Variants in TMEM117 observed in about 807,000 individuals in gnomAD.
The protein encoded by TMEM117 is transmembrane protein 117.
In TMEM117, 27 loss-of-function variants were observed where a neutral mutation model predicts 52.4. That is an observed-to-expected ratio of 0.51 (90% CI 0.38 to 0.71). The LOEUF is 0.71. Among genes scored for constraint, TMEM117 ranks in the 30% least tolerant of loss-of-function variants. TMEM117 has a pLI of 0.00. For synonymous variants in TMEM117, 215 were observed against 206.3 expected (o/e 1.04, Z -0.36); for missense variants, 556 against 630.5 (o/e 0.88, Z 1.26).
At chr12:44,254,429 A>G (rs1204131399) in intron 5 of TMEM117, among the ~76,000 whole-genome samples, 1 of 152,012 alleles carries the variant, frequency 6.6e-6, no homozygotes. Context: ...ATGAAATGAA[A>G]ACTCTAAGTA....
In TMEM117 at chr12:44,027,081, C is replaced by G. The variant is rs1027105347; in HGVS notation, c.410+82739C>G. On this transcript the variant is annotated intron_variant, in intron 3 of 7. Coordinates refer to ENST00000266534, the MANE Select transcript of TMEM117 (RefSeq NM_032256.3). Reference sequence around the variant, plus strand: ...CTTTAAACCTCAAACCATTTCTTAGCCTATTTTATTTTATTTTATTTTATT... The same window carrying G: ...CTTTAAACCTCAAACCATTTCTTAGGCTATTTTATTTTATTTTATTTTATT... 5.6e-5 allele frequency among the ~76,000 whole-genome samples: 5 copies of G among 88,504 alleles called. No individual in the cohort carries two copies. In the Admixed American group the frequency reaches 6.0e-4, roughly 11 times the overall value. 58.1% of individuals were successfully genotyped at this position (88,504 alleles called of 152,430 possible).
chr12:43,936,071 T>G (rs1399672011), intron 2 of TMEM117, among the ~76,000 whole-genome samples: 1 of 151,730 alleles, frequency 6.6e-6, no homozygotes, highest in African/African-American at 2.4e-5. Flanking sequence ...GAATTGTGAT[T>G]ATTGAAAGTT....
chr12:44,316,337 A>G (rs567297168), intron 6 of TMEM117, among the ~76,000 whole-genome samples: 1 of 152,172 alleles, frequency 6.6e-6, no homozygotes, highest in Non-Finnish European at 1.5e-5. Context: ...CTTTGCTTAT[A>G]AAGCTTAGTT....
At chr12:44,241,216 T>G (rs1030855370) in intron 5 of TMEM117, among the ~76,000 whole-genome samples, 19 of 131,966 alleles carry the variant, frequency 1.4e-4, no homozygotes, top group East Asian at 7.7e-4. Flanking sequence ...TTTTATTGTG[T>G]TTTTTTTTTA....
chr12:43,856,682 C>G (rs115482982), intron 2 of TMEM117, among the ~76,000 whole-genome samples: 3,398 of 152,170 alleles, frequency 0.022, 79 homozygotes, highest in East Asian at 0.067. Context: ...TTTTATGTAT[C>G]AATACTTCAT....
rs551362751 is a variant in TMEM117 at position 44,028,284 on chromosome 12, G to GTGAA, written c.410+83958_410+83961dup. Among the ~76,000 whole-genome samples the GTGAA allele has an allele frequency of 6.4e-3, 974 of 152,234 alleles. 2 individuals are homozygous for GTGAA. Among genetic ancestry groups the GTGAA allele is most frequent in the Non-Finnish European group, 9.8e-3 (668 of 68,012 alleles). ...CCAGTATCTGGAACAAAGGCATGGG[G>GTGAA]TGAATGAATGAATGAATGAGCAAAT... On this transcript the variant is annotated intron_variant, in intron 3 of 7. Transcript: ENST00000266534.
At chr12:44,375,829 AACTTT>A (rs1039139853) in intron 6 of TMEM117, among the ~76,000 whole-genome samples, 1 of 152,118 alleles carries the variant, frequency 6.6e-6, no homozygotes, top group African/African-American at 2.4e-5. Flanking sequence ...GCTAGTTTTG[AACTTT>A]ACTTTGGTGC....
chr12:44,305,953 A>G (rs936953151), intron 6 of TMEM117, among the ~76,000 whole-genome samples: 1 of 152,250 alleles, frequency 6.6e-6, no homozygotes, highest in African/African-American at 2.4e-5. Context: ...ATGAAAAAGA[A>G]TGAAATGATG....
intron 3 of TMEM117, among the ~76,000 whole-genome samples, chr12:44,083,178 A>G (rs1947510196): frequency 6.6e-6 from 1 of 152,100 alleles, no homozygotes; most frequent in Non-Finnish European, 1.5e-5. Flanking sequence ...AAGTTTTTCT[A>G]GGCATATAAT....
At chr12:43,916,835 C>T (rs547557232) in intron 2 of TMEM117, among the ~76,000 whole-genome samples, 3 of 152,224 alleles carry the variant, frequency 2.0e-5, no homozygotes, top group African/African-American at 2.4e-5. Context: ...TTCTTGTTGG[C>T]GTGAAGTAGA....
the TMEM117 span, chr12:43,806,284 A>G: frequency 1.3e-6 from 2 of 1,484,600 alleles, no homozygotes; most frequent in Admixed American, 2.3e-5. Flanking sequence ...CGCTGAGTGC[A>G]GCCAGCGGCC....
chr12:44,175,291 G>A (rs1481762259), intron 4 of TMEM117, among the ~76,000 whole-genome samples: 1 of 152,142 alleles, frequency 6.6e-6, no homozygotes, highest in Non-Finnish European at 1.5e-5. Flanking sequence ...GGTTGAGCTG[G>A]CGAGATTTCG....
intron 5 of TMEM117, among the ~76,000 whole-genome samples, chr12:44,236,575 T>A (rs1949999469): frequency 1.3e-5 from 2 of 152,200 alleles, no homozygotes; most frequent in South Asian, 4.1e-4. Flanking sequence ...AAATAGTTTG[T>A]CTGCAAATTC....
the TMEM117 span, chr12:43,797,166 A>G: frequency 2.0e-6 from 3 of 1,493,534 alleles, no homozygotes; most frequent in Non-Finnish European, 2.7e-6. Context: ...CTACATATAT[A>G]AACTTCATAA....
chr12:44,176,327 C>T (rs978648904), intron 4 of TMEM117, among the ~76,000 whole-genome samples: 1 of 152,018 alleles, frequency 6.6e-6, no homozygotes, highest in East Asian at 1.9e-4. Context: ...TAGTACATGC[C>T]CAATAAATAC....
At chr12:44,189,620 T>C (rs559618755) in intron 4 of TMEM117, among the ~76,000 whole-genome samples, 1 of 152,212 alleles carries the variant, frequency 6.6e-6, no homozygotes, top group East Asian at 1.9e-4. Flanking sequence ...AACAAAAACC[T>C]CAGTAACCTG....
At chr12:44,021,056 C>A (rs1251787604) in intron 3 of TMEM117, among the ~76,000 whole-genome samples, 1 of 152,082 alleles carries the variant, frequency 6.6e-6, no homozygotes, top group African/African-American at 2.4e-5. Context: ...TTCACTGTCT[C>A]ACAGATTACC....
At chr12:43,851,938 T>C (rs900796090) in intron 2 of TMEM117, among the ~76,000 whole-genome samples, 2 of 152,196 alleles carry the variant, frequency 1.3e-5, no homozygotes, top group Non-Finnish European at 2.9e-5. Flanking sequence ...AATGGTGAAG[T>C]GGCAAATGCA....
At position 44,011,721 on chromosome 12, in the gene TMEM117, TTAA is replaced by T. The variant is rs1246492137; in HGVS notation, c.410+67385_410+67387del. 4.6e-5 allele frequency among the ~76,000 whole-genome samples: 7 copies of T among 152,286 alleles called. No homozygotes were observed. In the East Asian group the frequency reaches 1.2e-3, roughly 25 times the overall value. On this transcript the variant is annotated intron_variant, in intron 3 of 7. Coordinates refer to ENST00000266534, the MANE Select transcript of TMEM117 (RefSeq NM_032256.3). The stretch of plus-strand genomic sequence containing the variant: ...TTTATAAGTTAGGCATAGTAAGATA[TTAA>T]TAATATTAATGAAATAGAATAATTA...
Sources: gnomAD v4.1 joint callset for allele counts (sites outside exome capture counted in the v4.1 genomes callset) on GRCh38, gnomAD v4.1.1 for gene constraint, MANE v1.5 for transcripts, NCBI Gene and HGNC (gene_info 2026-07-23, HGNC 2026-07-21) for gene names.